FTO: variants seen among roughly 807,000 people sequenced by gnomAD.
FTO encodes the protein alpha-ketoglutarate-dependent dioxygenase FTO.
In FTO, 47 loss-of-function variants were observed where a neutral mutation model predicts 63.9. That is an observed-to-expected ratio of 0.74 (90% confidence interval 0.58 to 0.94). The LOEUF is 0.94. FTO is among the 40% of genes least tolerant of loss of function. The pLI, the probability that FTO is intolerant of heterozygous loss-of-function variation, is 0.00. For missense variants in FTO, 562 were observed against 618.1 expected, an observed-to-expected ratio of 0.91 and a Z score of 0.96; for synonymous variants, 207 against 224.4, an observed-to-expected ratio of 0.92 and a Z score of 0.69.
At chr16:53,915,271 A>C (rs1482209908) in intron 7 of FTO, among the ~76,000 whole-genome samples, 5 of 152,140 alleles carry the variant, frequency 3.3e-5, no homozygotes, top group African/African-American at 1.2e-4. Context: ...TCTTTTTAAC[A>C]CTTTACATTC....
intron 8 of FTO, among the ~76,000 whole-genome samples, chr16:54,039,043 G>A (rs747476421): frequency 5.9e-5 from 9 of 152,284 alleles, no homozygotes; most frequent in African/African-American, 1.2e-4. Flanking sequence ...AGAGGTGGGC[G>A]GCCTCCTGTT....
At chr16:53,916,722 A>T (rs1255990071) in intron 7 of FTO, among the ~76,000 whole-genome samples, 2 of 152,240 alleles carry the variant, frequency 1.3e-5, no homozygotes, top group African/African-American at 4.8e-5. Context: ...TCTGGATAAT[A>T]CTAGCACTCA....
chr16:53,834,220 T>G (rs113654231), intron 3 of FTO, among the ~76,000 whole-genome samples: 5,298 of 152,106 alleles, frequency 0.035, 246 homozygotes, highest in East Asian at 0.1. Context: ...GAGGTGGAGT[T>G]TTACCATGTT....
chr16:53,953,398 G>A (rs1375546449), intron 8 of FTO, among the ~76,000 whole-genome samples: 1 of 152,182 alleles, frequency 6.6e-6, no homozygotes, highest in Non-Finnish European at 1.5e-5. Flanking sequence ...TGGAATTGTA[G>A]GCCTTGTAAT....
At chr16:53,956,785 C>G (rs1349025054) in intron 8 of FTO, 2 of 152,330 alleles carry the variant, frequency 1.3e-5, no homozygotes, top group African/African-American at 4.8e-5. Flanking sequence ...GCCTCAGCCT[C>G]CCAGGTAGCT....
chr16:53,834,704 A>G (rs2079242795), intron 3 of FTO, among the ~76,000 whole-genome samples: 1 of 152,246 alleles, frequency 6.6e-6, no homozygotes, highest in African/African-American at 2.4e-5. Context: ...GCTAAGGAAA[A>G]AAAAGCAGGA....
At chr16:53,908,750 G>A (rs111707306) in intron 7 of FTO, among the ~76,000 whole-genome samples, 2,075 of 152,282 alleles carry the variant, frequency 0.014, 53 homozygotes, top group African/African-American at 0.048. Context: ...CCGGCCTGAA[G>A]GGCCAGGAGG....
intron 8 of FTO, among the ~76,000 whole-genome samples, chr16:53,983,072 C>A (rs1479305728): frequency 6.6e-6 from 1 of 151,956 alleles, no homozygotes; most frequent in African/African-American, 2.4e-5. Context: ...TGCTAGCTAG[C>A]GGAAAATATG....
intron 8 of FTO, among the ~76,000 whole-genome samples, chr16:54,082,170 A>C (rs1352491733): frequency 6.6e-6 from 1 of 152,148 alleles, no homozygotes; most frequent in Non-Finnish European, 1.5e-5. Context: ...GCTTTTGTGA[A>C]ATTCTATTTA....
chr16:54,011,853 A>G (rs1567515729), intron 8 of FTO, among the ~76,000 whole-genome samples: 1 of 152,176 alleles, frequency 6.6e-6, no homozygotes, highest in African/African-American at 2.4e-5. Flanking sequence ...TGGTGAACAT[A>G]ATAAATGTTG....
At chr16:54,027,094 A>G (rs1037503337) in intron 8 of FTO, among the ~76,000 whole-genome samples, 1 of 151,976 alleles carries the variant, frequency 6.6e-6, no homozygotes, top group Admixed American at 6.6e-5. Context: ...AGAGAGAGAG[A>G]AGAGAGAAGT....
chr16:53,792,537 C>T lies in FTO; in HGVS notation c.46-17603C>T, dbSNP rs74018590. Among the ~76,000 whole-genome samples the T allele has an allele frequency of 2.0e-3, 307 of 152,270 alleles. 2 individuals are homozygous for T. Among genetic ancestry groups the T allele is most frequent in the African/African-American group, 6.7e-3 (279 of 41,560 alleles). On this transcript the variant is annotated intron_variant, in intron 1 of 8. Coordinates refer to ENST00000471389, the MANE Select transcript of FTO (RefSeq NM_001080432.3). ...CCCATGGCAGGTTGTTTGATCATGG[C>T]TTAATGGCTAAAGCTTTGTAAAATT...
intron 3 of FTO, among the ~76,000 whole-genome samples, chr16:53,837,711 C>G (rs550024971): frequency 1.3e-5 from 2 of 148,968 alleles, no homozygotes; most frequent in African/African-American, 4.9e-5. Context: ...TGTAGTCCAT[C>G]AGCTGTGTTT....
chr16:53,755,325 C>T (rs2076896423), intron 1 of FTO, among the ~76,000 whole-genome samples: 1 of 152,028 alleles, frequency 6.6e-6, no homozygotes, highest in Admixed American at 6.6e-5. Context: ...TTGACATGAC[C>T]CAGAGGAGAT....
At chr16:54,098,061 T>A (rs2086555101) in intron 8 of FTO, among the ~76,000 whole-genome samples, 2 of 151,984 alleles carry the variant, frequency 1.3e-5, no homozygotes, top group Middle Eastern at 3.2e-3. Context: ...ATGGGATGAG[T>A]GCAAGGAGAG....
At chr16:53,975,968 G>A (rs2083429617) in intron 8 of FTO, among the ~76,000 whole-genome samples, 1 of 152,118 alleles carries the variant, frequency 6.6e-6, no homozygotes, top group Admixed American at 6.5e-5. Flanking sequence ...GAACCAGGCA[G>A]CCTGCCACCA....
chr16:54,028,586 T>C (rs2084766125), intron 8 of FTO, among the ~76,000 whole-genome samples: 1 of 152,216 alleles, frequency 6.6e-6, no homozygotes, highest in South Asian at 2.1e-4. Context: ...TCTTTCCATG[T>C]CACTAAAATC....
At chr16:53,874,151 G>C (rs2080581458) in intron 5 of FTO, among the ~76,000 whole-genome samples, 2 of 152,306 alleles carry the variant, frequency 1.3e-5, no homozygotes, top group South Asian at 4.1e-4. Context: ...TTTATTTAGA[G>C]GGTTGTATCT....
chr16:54,078,006 C>A (rs1008071600), intron 8 of FTO, among the ~76,000 whole-genome samples: 10 of 152,246 alleles, frequency 6.6e-5, no homozygotes, highest in South Asian at 4.2e-4. Flanking sequence ...CACCCCCATC[C>A]ATGCTGGTGA....
Sources: allele counts gnomAD v4.1 joint callset (sites outside exome capture counted in the v4.1 genomes callset), GRCh38; gene constraint gnomAD v4.1.1; transcripts MANE v1.5; gene names NCBI Gene and HGNC (gene_info 2026-07-23, HGNC 2026-07-21).